Variants in GAB1 observed in about 807,000 individuals in gnomAD.
GAB1 encodes the protein GRB2-associated-binding protein 1.
In GAB1, 19 loss-of-function variants were observed where a neutral mutation model predicts 66.5. The observed-to-expected ratio is 0.29, with a 90% confidence interval of 0.20 to 0.42. GAB1 has a LOEUF of 0.42. GAB1 is among the 10% of genes least tolerant of loss of function. The pLI is 1.00. For missense variants in GAB1, 732 were observed against 858.5 expected (o/e 0.85, Z 1.84); for synonymous variants, 294 against 301.4 (o/e 0.98, Z 0.25).
Position 143,395,922 on chromosome 4 carries a change from C to G in GAB1, c.73-19555C>G, listed in dbSNP as rs891040128. 14 of 455,464 alleles carry G rather than the reference C, an allele frequency of 3.1e-5. No individual in the cohort carries two copies. In the Admixed American group the frequency reaches 3.3e-4, roughly 11 times the overall value. 28.2% of individuals were successfully genotyped at this position (455,464 alleles called of 1,614,324 possible). The stretch of plus-strand genomic sequence containing the variant: ...CCCGGGAGAGCAGCGTAGGAAATTG[C>G]AGGATGAAATTTGTGTGCCAGTCTT... On this transcript the variant is annotated intron_variant, in intron 1 of 9. Coordinates refer to ENST00000262994, the MANE Select transcript of GAB1 (RefSeq NM_002039.4).
intron 1 of GAB1, among the ~76,000 whole-genome samples, chr4:143,400,576 T>C (rs1297430488): frequency 1.3e-5 from 2 of 152,206 alleles, no homozygotes; most frequent in African/African-American, 4.8e-5. Flanking sequence ...TTTTTATTTT[T>C]AATTCTTCCT....
At chr4:143,400,330 G>C (rs189824108) in intron 1 of GAB1, among the ~76,000 whole-genome samples, 2 of 152,200 alleles carry the variant, frequency 1.3e-5, no homozygotes, top group African/African-American at 2.4e-5. Flanking sequence ...GTGTGAAAAG[G>C]GGGGTGGTTA....
intron 2 of GAB1, among the ~76,000 whole-genome samples, chr4:143,417,917 G>C (rs1732783455): frequency 1.3e-5 from 2 of 152,132 alleles, no homozygotes; most frequent in East Asian, 1.9e-4. Flanking sequence ...CTACATTTAG[G>C]AGTGCTGTAG....
chr4:143,409,658 T>C (rs1732262770), intron 1 of GAB1, among the ~76,000 whole-genome samples: 1 of 152,004 alleles, frequency 6.6e-6, no homozygotes, highest in Non-Finnish European at 1.5e-5. Flanking sequence ...CAGTAATTGA[T>C]TGTCAGTGGT....
chr4:143,422,421 C>T (rs552194069), intron 2 of GAB1, among the ~76,000 whole-genome samples: 2 of 152,266 alleles, frequency 1.3e-5, no homozygotes, highest in South Asian at 4.2e-4. Context: ...GGGATCACCA[C>T]AGTTTTATTA....
At chr4:143,367,603 A>G (rs532445818) in intron 1 of GAB1, among the ~76,000 whole-genome samples, 1 of 151,888 alleles carries the variant, frequency 6.6e-6, no homozygotes, top group African/African-American at 2.4e-5. Flanking sequence ...CCTTAATGAA[A>G]CAATCTGTAA....
At chr4:143,362,293 C>CT (rs1449344433) in intron 1 of GAB1, among the ~76,000 whole-genome samples, 1 of 152,030 alleles carries the variant, frequency 6.6e-6, no homozygotes, top group East Asian at 1.9e-4. Context: ...TAGCAGCATC[C>CT]ATATGTTACC....
intron 1 of GAB1, among the ~76,000 whole-genome samples, chr4:143,353,909 C>T (rs1266876890): frequency 2.0e-5 from 3 of 152,302 alleles, no homozygotes; most frequent in Admixed American, 6.5e-5. Context: ...GCCATCTGCT[C>T]ACAAGATTTT....
intron 1 of GAB1, among the ~76,000 whole-genome samples, chr4:143,362,148 A>G (rs1729688617): frequency 6.6e-6 from 1 of 152,122 alleles, no homozygotes. Flanking sequence ...TCCACCCTAC[A>G]TGGCATACTG....
intron 4 of GAB1, chr4:143,439,560 G>GA: frequency 2.3e-6 from 1 of 434,732 alleles, no homozygotes. Flanking sequence ...CCCAGACTTA[G>GA]ACATTCACTC....
At chr4:143,408,143 A>G (rs1465293016) in intron 1 of GAB1, among the ~76,000 whole-genome samples, 1 of 152,138 alleles carries the variant, frequency 6.6e-6, no homozygotes, top group African/African-American at 2.4e-5. Context: ...CTCCTTCCAC[A>G]TGTATCCCGG....
At chr4:143,435,550 C>T (rs1028972405) in intron 3 of GAB1, among the ~76,000 whole-genome samples, 2 of 152,168 alleles carry the variant, frequency 1.3e-5, no homozygotes, top group African/African-American at 2.4e-5. Context: ...TGCAGTACAA[C>T]TTATGCTCAA....
intron 1 of GAB1, among the ~76,000 whole-genome samples, chr4:143,348,874 C>T (rs138705392): frequency 6.6e-6 from 1 of 152,276 alleles, no homozygotes; most frequent in Non-Finnish European, 1.5e-5. Context: ...CTCTCCGGGC[C>T]TTTGCACATG....
rs182279190 is a variant in GAB1 at position 143,458,594 on chromosome 4, C to G, written c.1586-791C>G. Among the ~76,000 whole-genome samples the G allele has an allele frequency of 5.3e-5, 8 of 151,944 alleles. No homozygotes were observed. The East Asian group carries it at 1.5e-3, about 29-fold the overall frequency. On this transcript the variant is annotated intron_variant, in intron 6 of 9. Coordinates refer to ENST00000262994, the MANE Select transcript of GAB1 (RefSeq NM_002039.4). ...TCACTCTGTAAATTTCTGAAAAAAT[C>G]TCAGTCTTGACTTTAAGAAAATGGC...
At chr4:143,451,618 A>C (rs1038657480) in intron 6 of GAB1, among the ~76,000 whole-genome samples, 1 of 152,128 alleles carries the variant, frequency 6.6e-6, no homozygotes, top group African/African-American at 2.4e-5. Flanking sequence ...TAGAGAAAAT[A>C]ATTGTATTCT....
chr4:143,417,314 G>C (rs1220603189), intron 2 of GAB1: 1 of 288,000 alleles, frequency 3.5e-6, no homozygotes, highest in African/African-American at 2.3e-5. Flanking sequence ...GAGGGACTGA[G>C]ATTTGGGGTG....
At chr4:143,466,407 C>A (rs1735790279) in intron 9 of GAB1, among the ~76,000 whole-genome samples, 182 bp downstream of exon 9, 1 of 148,364 alleles carries the variant, frequency 6.7e-6, no homozygotes, top group African/African-American at 2.5e-5. Context: ...TTATTTTTTC[C>A]TTTCTGATGG....
At chr4:143,399,434 C>T (rs570284310) in intron 1 of GAB1, among the ~76,000 whole-genome samples, 1 of 152,218 alleles carries the variant, frequency 6.6e-6, no homozygotes, top group Non-Finnish European at 1.5e-5. Flanking sequence ...ATTTGCAGTT[C>T]AAACTACAGG....
At chr4:143,465,533 C>G (rs906733290) in intron 8 of GAB1, among the ~76,000 whole-genome samples, 2 of 152,142 alleles carry the variant, frequency 1.3e-5, no homozygotes, top group Non-Finnish European at 2.9e-5. Flanking sequence ...GCATGTTTAG[C>G]AGCTTCTTTA....
Sources: gnomAD v4.1 joint callset for allele counts (sites outside exome capture counted in the v4.1 genomes callset) on GRCh38, gnomAD v4.1.1 for gene constraint, MANE v1.5 for transcripts, NCBI Gene and HGNC (gene_info 2026-07-23, HGNC 2026-07-21) for gene names.